VWC2L: variants seen among roughly 807,000 people sequenced by gnomAD.
The protein encoded by VWC2L is von Willebrand factor C domain-containing protein 2-like.
A neutral mutation model predicts 21.6 loss-of-function variants in VWC2L; 10 were observed. That is an observed-to-expected ratio of 0.46 (90% CI 0.29 to 0.78). The LOEUF is 0.78. Among genes scored for constraint, VWC2L ranks in the 30% least tolerant of loss-of-function variants. The pLI is 0.10. For synonymous variants in VWC2L, 96 were observed against 94.3 expected (o/e 1.02, Z -0.10); for missense variants, 209 against 277.1 (o/e 0.75, Z 1.74).
At position 214,485,148 on chromosome 2, in the gene VWC2L, C is replaced by T. The variant is rs534890770; in HGVS notation, c.520+48390C>T. Among the ~76,000 whole-genome samples, 3 of 152,114 alleles carry T rather than the reference C, an allele frequency of 2.0e-5. No homozygotes were observed. The South Asian group carries it at 6.2e-4, about 32-fold the overall frequency. On this transcript the variant is annotated intron_variant, in intron 3 of 3. Transcript: ENST00000312504. The stretch of plus-strand genomic sequence containing the variant: ...CCTGACCAACATGGTGAAACCCCAT[C>T]TCTACTAAAAATACAAAAAAAATTA...
At chr2:214,439,280 G>A (rs898496155) in intron 3 of VWC2L, among the ~76,000 whole-genome samples, 4 of 151,806 alleles carry the variant, frequency 2.6e-5, no homozygotes, top group African/African-American at 9.7e-5. Flanking sequence ...AAAAATAAAT[G>A]TTTATTATGA....
At chr2:214,524,927 G>C (rs1288551431) in intron 3 of VWC2L, among the ~76,000 whole-genome samples, 1 of 94,158 alleles carries the variant, frequency 1.1e-5, no homozygotes, top group Non-Finnish European at 2.3e-5. Flanking sequence ...GGGCACTTTG[G>C]CTGGCTTTTT....
intron 1 of VWC2L, among the ~76,000 whole-genome samples, chr2:214,413,715 A>G (rs1440411962): frequency 1.3e-5 from 2 of 152,174 alleles, no homozygotes; most frequent in African/African-American, 4.8e-5. Context: ...TAATTATAAC[A>G]TATGTTCCAT....
intron 3 of VWC2L, among the ~76,000 whole-genome samples, chr2:214,542,045 G>T (rs1689636913): frequency 6.6e-6 from 1 of 152,030 alleles, no homozygotes; most frequent in East Asian, 1.9e-4. Flanking sequence ...TTCATTATCG[G>T]ACAGCATTGG....
At chr2:214,420,759 C>T (rs189029341) in intron 2 of VWC2L, among the ~76,000 whole-genome samples, 13 of 152,250 alleles carry the variant, frequency 8.5e-5, no homozygotes, top group East Asian at 5.8e-4. Context: ...TGATTTTATG[C>T]GGCAAAGATA....
intron 3 of VWC2L, among the ~76,000 whole-genome samples, chr2:214,565,633 A>T (rs1179625050): frequency 6.6e-6 from 1 of 152,158 alleles, no homozygotes; most frequent in Non-Finnish European, 1.5e-5. Flanking sequence ...ATGTCTTGAC[A>T]TTTTTTTAAT....
chr2:214,451,494 G>A (rs1702954442), intron 3 of VWC2L, among the ~76,000 whole-genome samples: 1 of 152,112 alleles, frequency 6.6e-6, no homozygotes, highest in Non-Finnish European at 1.5e-5. Flanking sequence ...TAGGGGCAAA[G>A]GCAAGTCCTT....
At chr2:214,466,988 CT>C (rs776869793) in intron 3 of VWC2L, among the ~76,000 whole-genome samples, 10 of 151,982 alleles carry the variant, frequency 6.6e-5, no homozygotes, top group Non-Finnish European at 1.2e-4. Flanking sequence ...TGAATTTTAC[CT>C]TGTTGAGTGC....
intron 3 of VWC2L, among the ~76,000 whole-genome samples, chr2:214,459,938 AC>A (rs1703114917): frequency 1.1e-5 from 1 of 89,714 alleles, no homozygotes; most frequent in African/African-American, 5.0e-5. Flanking sequence ...ATGGAGTTTC[AC>A]TCTTGTCACC....
intron 3 of VWC2L, among the ~76,000 whole-genome samples, chr2:214,550,990 T>C (rs908904481): frequency 3.3e-5 from 5 of 152,170 alleles, no homozygotes; most frequent in Non-Finnish European, 7.3e-5. Context: ...ATGAACCCTA[T>C]GACTCAGCTA....
intron 3 of VWC2L, among the ~76,000 whole-genome samples, chr2:214,462,957 G>C (rs1010463561): frequency 1.3e-5 from 2 of 152,112 alleles, no homozygotes; most frequent in African/African-American, 4.8e-5. Flanking sequence ...GTGTCTGTTT[G>C]TGATTTAATT....
chr2:214,566,202 A>G (rs1690059984), intron 3 of VWC2L, among the ~76,000 whole-genome samples: 1 of 152,122 alleles, frequency 6.6e-6, no homozygotes, highest in Non-Finnish European at 1.5e-5. Flanking sequence ...AAATCAAACC[A>G]TTTTCTGACC....
At chr2:214,553,096 C>T (rs1248498574) in intron 3 of VWC2L, among the ~76,000 whole-genome samples, 1 of 152,204 alleles carries the variant, frequency 6.6e-6, no homozygotes, top group Non-Finnish European at 1.5e-5. Context: ...ATTCTTACTG[C>T]CACTAGTTCA....
At chr2:214,438,973 T>C (rs1346283649) in intron 3 of VWC2L, among the ~76,000 whole-genome samples, 1 of 152,080 alleles carries the variant, frequency 6.6e-6, no homozygotes, top group African/African-American at 2.4e-5. Flanking sequence ...TTTTCTTTTC[T>C]TAAATAAGGG....
intron 3 of VWC2L, among the ~76,000 whole-genome samples, chr2:214,534,889 T>C (rs1277962658): frequency 1.3e-5 from 2 of 152,122 alleles, no homozygotes; most frequent in Non-Finnish European, 2.9e-5. Flanking sequence ...ACTAGTGTTA[T>C]ATTAGTGAAA....
At chr2:214,540,078 G>C in intron 3 of VWC2L, among the ~76,000 whole-genome samples, 1 of 152,092 alleles carries the variant, frequency 6.6e-6, no homozygotes, top group Middle Eastern at 3.2e-3. Flanking sequence ...TATTTGTTTG[G>C]TGAGAGGCCC....
chr2:214,565,741 AT>A (rs913733375), intron 3 of VWC2L, among the ~76,000 whole-genome samples: 28 of 152,218 alleles, frequency 1.8e-4, no homozygotes, highest in Non-Finnish European at 1.3e-4. Context: ...ACAACTTAAC[AT>A]TTTTTTGTGC....
chr2:214,576,974 T>C lies in VWC2L; in HGVS notation c.*1154T>C, dbSNP rs1365040352. On this transcript the variant is annotated 3_prime_UTR_variant, in exon 4 of 4. Coordinates refer to ENST00000312504, the MANE Select transcript of VWC2L (RefSeq NM_001080500.4). ...TTTGTTGAACATTTTTTAAAATGTA[T>C]ATATTAGATACTGAAAAATTAAAGT... 1 of 152,186 alleles carries C rather than the reference T, an allele frequency of 6.6e-6. No homozygotes were observed. Among genetic ancestry groups the C allele is most frequent in the Non-Finnish European group, 1.5e-5 (1 of 68,034 alleles). The allele number at this position is 152,186 out of a possible 1,614,324, so 9.4% of individuals were successfully genotyped here. A position where few individuals can be genotyped will look rare whatever the true frequency, so the allele number is the denominator to read the frequency against.
chr2:214,499,590 C>T (rs766748496), intron 3 of VWC2L, among the ~76,000 whole-genome samples: 6 of 152,046 alleles, frequency 3.9e-5, no homozygotes, highest in Non-Finnish European at 8.8e-5. Context: ...CAACAAGGCA[C>T]ATGTATACAT....
Sources: gnomAD v4.1 joint callset for allele counts (sites outside exome capture counted in the v4.1 genomes callset) on GRCh38, gnomAD v4.1.1 for gene constraint, MANE v1.5 for transcripts, NCBI Gene and HGNC (gene_info 2026-07-23, HGNC 2026-07-21) for gene names.